The following UBE4B variants were observed in gnomAD, a reference collection of about 807,000 sequenced individuals.
The protein encoded by UBE4B is ubiquitination factor E4B.
In UBE4B, 27 loss-of-function variants were observed where a neutral mutation model predicts 148.1. The ratio of observed to expected loss-of-function variants is 0.18; its 90% CI spans 0.13 to 0.25. The LOEUF is 0.25. Ranked by LOEUF, UBE4B falls within the 10% of genes least tolerant of loss-of-function variation. UBE4B has a pLI of 1.00. For synonymous variants in UBE4B, 596 were observed against 619.3 expected (o/e 0.96, Z 0.56); for missense variants, 1,170 against 1,662.4 (o/e 0.70, Z 5.15).
chr1:10,078,427 AG>A (rs1225025716), intron 2 of UBE4B, among the ~76,000 whole-genome samples: 1 of 152,156 alleles, frequency 6.6e-6, no homozygotes, highest in Non-Finnish European at 1.5e-5. Flanking sequence ...CTTTTAGCCT[AG>A]TTGGGGAGGA....
chr1:10,059,546 A>G lies in UBE4B; in HGVS notation c.25-12482A>G, dbSNP rs549692574. The G allele has an allele frequency of 6.4e-5, 14 of 217,164 alleles. No individual in the cohort carries two copies. In the East Asian group the frequency reaches 1.3e-3, roughly 20 times the overall value. 13.5% of individuals were successfully genotyped at this position (217,164 alleles called of 1,614,324 possible). On this transcript the variant is annotated intron_variant, in intron 1 of 27. Transcript: ENST00000343090. ...CTGCCCACTGGTATTCCCATTGTCT[A>G]TGAATTGAACAGGAGGAGCTTGAAG...
intron 21 of UBE4B, among the ~76,000 whole-genome samples, chr1:10,152,399 C>G (rs955165619): frequency 6.6e-6 from 1 of 151,808 alleles, no homozygotes; most frequent in African/African-American, 2.4e-5. Context: ...CTTAATCTAC[C>G]CTATAGCCAG....
intron 1 of UBE4B, among the ~76,000 whole-genome samples, chr1:10,064,882 G>A (rs1644358319): frequency 6.6e-6 from 1 of 151,714 alleles, no homozygotes; most frequent in South Asian, 2.1e-4. Flanking sequence ...TCCTGCCTCA[G>A]CCTCCTGAGT....
At chr1:10,129,539 T>C in intron 12 of UBE4B, 91 bp downstream of exon 12, 2 of 1,312,384 alleles carry the variant, frequency 1.5e-6, no homozygotes, top group Non-Finnish European at 2.2e-6. Flanking sequence ...GGAAAATGTC[T>C]CTTGAAGGAC....
intron 2 of UBE4B, chr1:10,073,165 G>A (rs2101834149): frequency 6.6e-6 from 1 of 152,354 alleles, no homozygotes; most frequent in South Asian, 2.1e-4. Context: ...CTTCTGGTAG[G>A]ATTGATGGGT....
At chr1:10,130,358 G>A (rs1159204523) in intron 12 of UBE4B, 142 bp from the exon 13 acceptor site, 1 of 766,730 alleles carries the variant, frequency 1.3e-6, no homozygotes, top group African/African-American at 1.7e-5. Flanking sequence ...TGGGATTACA[G>A]GCGTGAGCCA....
At chr1:10,096,289 C>G (rs1396079011) in intron 3 of UBE4B, among the ~76,000 whole-genome samples, 1 of 152,020 alleles carries the variant, frequency 6.6e-6, no homozygotes, top group African/African-American at 2.4e-5. Context: ...TGAAAGAGCC[C>G]TCCTGTGTTG....
At chr1:10,170,490 A>G (rs755270435) in intron 24 of UBE4B, among the ~76,000 whole-genome samples, 2 of 152,218 alleles carry the variant, frequency 1.3e-5, no homozygotes, top group Non-Finnish European at 2.9e-5. Context: ...AGGTTTGCTT[A>G]AAACCATGTA....
chr1:10,050,790 T>C (rs1188936923), intron 1 of UBE4B, among the ~76,000 whole-genome samples: 1 of 151,130 alleles, frequency 6.6e-6, no homozygotes, highest in Non-Finnish European at 1.5e-5. Flanking sequence ...GGTTTCCAAC[T>C]CCTGGCCTCA....
chr1:10,049,892 CAAA>C (rs776583824), intron 1 of UBE4B, among the ~76,000 whole-genome samples: 9 of 85,128 alleles, frequency 1.1e-4, no homozygotes, highest in Non-Finnish European at 1.3e-4. Flanking sequence ...GACCCTGTCT[CAAA>C]AAAAAAAAAA....
At chr1:10,098,768 G>A (rs1010652134) in intron 3 of UBE4B, among the ~76,000 whole-genome samples, 2 of 152,052 alleles carry the variant, frequency 1.3e-5, no homozygotes, top group Non-Finnish European at 2.9e-5. Context: ...AATATAAAGG[G>A]CATCTACCAA....
chr1:10,077,585 A>G (rs1027198237), intron 2 of UBE4B, among the ~76,000 whole-genome samples: 3 of 152,220 alleles, frequency 2.0e-5, no homozygotes, highest in African/African-American at 7.2e-5. Flanking sequence ...GCCAAGTGTT[A>G]TGTGGCTAAA....
chr1:10,104,534 CTT>C (rs1171754660), intron 5 of UBE4B, among the ~76,000 whole-genome samples: 1 of 152,074 alleles, frequency 6.6e-6, no homozygotes, highest in Non-Finnish European at 1.5e-5. Flanking sequence ...TCACCTTTCT[CTT>C]TTCTATGCTG....
chr1:10,141,929 C>T (rs981433255), intron 17 of UBE4B, among the ~76,000 whole-genome samples: 1 of 152,182 alleles, frequency 6.6e-6, no homozygotes, highest in African/African-American at 2.4e-5. Context: ...TTATTAATTT[C>T]TTCTGTACTG....
intron 7 of UBE4B, among the ~76,000 whole-genome samples, chr1:10,117,092 T>G (rs1190182715): frequency 6.6e-6 from 1 of 152,200 alleles, no homozygotes; most frequent in Admixed American, 6.5e-5. Flanking sequence ...AGAGTTTGAT[T>G]ACAGCAGTAG....
At chr1:10,156,200 G>A (rs1285100482) in intron 21 of UBE4B, among the ~76,000 whole-genome samples, 2 of 149,250 alleles carry the variant, frequency 1.3e-5, no homozygotes, top group Non-Finnish European at 3.0e-5. Flanking sequence ...AAAAAAAACT[G>A]TTGGGAGAAA....
At chr1:10,079,524 T>C (rs780833629) in intron 2 of UBE4B, among the ~76,000 whole-genome samples, 4 of 152,250 alleles carry the variant, frequency 2.6e-5, no homozygotes, top group Non-Finnish European at 5.9e-5. Flanking sequence ...AATATAATTA[T>C]CAACATATTT....
At chr1:10,155,811 C>T (rs549099610) in intron 21 of UBE4B, among the ~76,000 whole-genome samples, 1 of 152,212 alleles carries the variant, frequency 6.6e-6, no homozygotes, top group East Asian at 1.9e-4. Flanking sequence ...TCACTTGAGG[C>T]CAGGAGTTTG....
intron 1 of UBE4B, among the ~76,000 whole-genome samples, chr1:10,038,793 G>C (rs1423650062): frequency 6.6e-6 from 1 of 151,972 alleles, no homozygotes; most frequent in African/African-American, 2.4e-5. Context: ...AATGCCTGTC[G>C]CGTTAAAAAT....
Sources: allele counts gnomAD v4.1 joint callset (sites outside exome capture counted in the v4.1 genomes callset), GRCh38; gene constraint gnomAD v4.1.1; transcripts MANE v1.5; gene names NCBI Gene and HGNC (gene_info 2026-07-23, HGNC 2026-07-21).